Variants in PLA2G4A observed in about 807,000 individuals in gnomAD.
PLA2G4A encodes phospholipase A2 group IVA.
A neutral mutation model predicts 81.9 loss-of-function variants in PLA2G4A; 40 were observed. That is an observed-to-expected ratio of 0.49 (90% CI 0.38 to 0.64). PLA2G4A has a LOEUF of 0.64. Among genes scored for constraint, PLA2G4A ranks in the 30% least tolerant of loss-of-function variants. The probability of loss-of-function intolerance (pLI) is 0.00; values close to 1 mark genes in which losing one functional copy is unlikely to be tolerated. For synonymous variants in PLA2G4A, 302 were observed against 296.9 expected (o/e 1.02, Z -0.18); for missense variants, 715 against 905.1 (o/e 0.79, Z 2.69).
At chr1:186,948,866 A>C (rs1237790527) in intron 12 of PLA2G4A, among the ~76,000 whole-genome samples, 1 of 152,190 alleles carries the variant, frequency 6.6e-6, no homozygotes, top group Admixed American at 6.5e-5. Flanking sequence ...AGATTAAGTA[A>C]GGATTTCCAG....
At chr1:186,884,980 G>T in intron 3 of PLA2G4A, among the ~76,000 whole-genome samples, 1 of 152,096 alleles carries the variant, frequency 6.6e-6, no homozygotes, top group East Asian at 1.9e-4. Flanking sequence ...TAGGTAGGTT[G>T]GAGGGGAGTG....
Position 186,847,676 on chromosome 1 carries a change from G to A in PLA2G4A, c.-69-6610G>A, listed in dbSNP as rs558402020. 1.8e-4 allele frequency among the ~76,000 whole-genome samples: 27 copies of A among 152,214 alleles called. No individual in the cohort carries two copies. In the South Asian group the frequency reaches 3.9e-3, roughly 22 times the overall value. On this transcript the variant is annotated intron_variant, in intron 1 of 17. Coordinates refer to ENST00000367466, the MANE Select transcript of PLA2G4A (RefSeq NM_024420.3). The stretch of plus-strand genomic sequence containing the variant: ...TCACAGTTATAAAAGCATTGAAATA[G>A]TAGAGATGTGGGAAGAGCTTCAGAA...
At chr1:186,945,854 A>G (rs925345204) in intron 10 of PLA2G4A, among the ~76,000 whole-genome samples, 2 of 152,178 alleles carry the variant, frequency 1.3e-5, no homozygotes, top group Admixed American at 6.6e-5. Context: ...GCTACTATTT[A>G]TTGAGCAATT....
In PLA2G4A at chr1:186,893,918, C is replaced by CAAAA. The variant is rs35114616; in HGVS notation, c.265-166_265-163dup. On this transcript the variant is annotated intron_variant, in intron 4 of 17. Transcript: ENST00000367466. ...CAGCCTGGTGAGTGAGACCCTGTCT[C>CAAAA]AAAAAAAAAAAAAAAAAGGAAAAGA... Among the ~76,000 whole-genome samples, 495 of 118,250 alleles carry CAAAA rather than the reference C, an allele frequency of 4.2e-3. 2 individuals are homozygous for CAAAA. Among genetic ancestry groups the CAAAA allele is most frequent in the African/African-American group, 0.017 (472 of 28,374 alleles). 77.6% of individuals were successfully genotyped at this position (118,250 alleles called of 152,430 possible).
chr1:186,874,605 ACT>A (rs1281484117), intron 3 of PLA2G4A, among the ~76,000 whole-genome samples: 4 of 151,986 alleles, frequency 2.6e-5, no homozygotes, highest in Middle Eastern at 3.4e-3. Flanking sequence ...AGACACATAA[ACT>A]CTTTTTCTTT....
chr1:186,882,956 G>A (rs1466431358), intron 3 of PLA2G4A, among the ~76,000 whole-genome samples: 1 of 151,858 alleles, frequency 6.6e-6, no homozygotes, highest in South Asian at 2.1e-4. Flanking sequence ...AAATAAAATA[G>A]GAAAGAAAGT....
intron 13 of PLA2G4A, 69 bp from the exon 14 acceptor site, chr1:186,956,033 C>G: frequency 7.0e-7 from 1 of 1,430,282 alleles, no homozygotes; most frequent in Non-Finnish European, 9.8e-7. Flanking sequence ...AGCCACCGTG[C>G]CCAGCCCAAA....
chr1:186,840,087 C>A (rs1194794112), intron 1 of PLA2G4A, among the ~76,000 whole-genome samples: 1 of 149,482 alleles, frequency 6.7e-6, no homozygotes, highest in Non-Finnish European at 1.5e-5. Flanking sequence ...GCAATTCTGC[C>A]TCTCCTGTAA....
At chr1:186,903,706 C>T (rs1654629949) in intron 5 of PLA2G4A, among the ~76,000 whole-genome samples, 3 of 152,188 alleles carry the variant, frequency 2.0e-5, no homozygotes, top group African/African-American at 7.2e-5. Flanking sequence ...TTCACCCCCA[C>T]ATGGAAGGCT....
chr1:186,980,716 A>G (rs562443416), intron 17 of PLA2G4A, among the ~76,000 whole-genome samples: 4 of 152,232 alleles, frequency 2.6e-5, no homozygotes, highest in African/African-American at 9.6e-5. Flanking sequence ...GACTAGTAAT[A>G]TCAACTGTAT....
chr1:186,978,870 C>T (rs1037683207), intron 16 of PLA2G4A, among the ~76,000 whole-genome samples: 4 of 152,130 alleles, frequency 2.6e-5, no homozygotes, highest in African/African-American at 7.2e-5. Context: ...ATTAGCAAGC[C>T]GGCTACCACA....
intron 17 of PLA2G4A, among the ~76,000 whole-genome samples, chr1:186,982,997 T>C (rs1657774867): frequency 6.7e-6 from 1 of 149,030 alleles, no homozygotes; most frequent in Non-Finnish European, 1.5e-5. Context: ...GGCAGGAGAA[T>C]GGTGTGAACC....
intron 2 of PLA2G4A, among the ~76,000 whole-genome samples, chr1:186,862,663 A>G (rs1652857585): frequency 6.6e-6 from 1 of 152,226 alleles, no homozygotes; most frequent in Non-Finnish European, 1.5e-5. Context: ...TAAGGTTCAC[A>G]TTTGAAAACC....
rs747223471 is a variant in PLA2G4A at position 186,854,316 on chromosome 1, C to G, written c.-39C>G. ...AAAGACGCTAGAGTGCCAAAGAAGA[C>G]TTTGAAGTGTGAAAACATTTCCTGT... is the stretch of plus-strand genomic sequence containing the variant. On this transcript the variant is annotated 5_prime_UTR_variant, in exon 2 of 18. Coordinates refer to ENST00000367466, the MANE Select transcript of PLA2G4A (RefSeq NM_024420.3). 2 of 1,327,040 alleles carry G rather than the reference C, an allele frequency of 1.5e-6. No homozygotes were observed. The highest frequency in any genetic ancestry group is 2.2e-6 in the Non-Finnish European group (2 of 919,456). 82.2% of individuals were successfully genotyped at this position (1,327,040 alleles called of 1,614,324 possible). A position where few individuals can be genotyped will look rare whatever the true frequency, so the allele number is the denominator to read the frequency against.
In PLA2G4A at chr1:186,913,376, C is replaced by T. The variant is rs1655031590; in HGVS notation, c.558+1987C>T. Among the ~76,000 whole-genome samples the T allele has an allele frequency of 2.0e-5, 3 of 151,862 alleles. No individual in the cohort carries two copies. In the South Asian group the frequency reaches 6.2e-4, roughly 32 times the overall value. ...ACTCAATCATATATCTTAAAATCTA[C>T]TTTTTGGCTATCTATCCATTCATTT... On this transcript the variant is annotated intron_variant, in intron 7 of 17. Transcript: ENST00000367466.
At chr1:186,933,001 A>T (rs1655810210) in intron 8 of PLA2G4A, 102 bp downstream of exon 8, 2 of 871,294 alleles carry the variant, frequency 2.3e-6, no homozygotes, top group African/African-American at 3.4e-5. Flanking sequence ...ATTGATCATT[A>T]ATTTAAATTA....
rs562129813 is a variant in PLA2G4A at position 186,835,603 on chromosome 1, A to G, written c.-70+6568A>G. ...CAAACAGGTTATCAACTTTCTTTTCATTCAACTGCCATGAAGAAGAGGTGG... is the reference window on the plus strand; with the variant it reads ...CAAACAGGTTATCAACTTTCTTTTCGTTCAACTGCCATGAAGAAGAGGTGG... On this transcript the variant is annotated intron_variant, in intron 1 of 17. Transcript: ENST00000367466. Among the ~76,000 whole-genome samples the G allele has an allele frequency of 1.2e-4, 18 of 152,274 alleles. No individual in the cohort carries two copies. In the East Asian group the frequency reaches 3.5e-3, roughly 29 times the overall value.
chr1:186,977,547 A>G (rs754934607), intron 15 of PLA2G4A, 46 bp from the exon 16 acceptor site: 2 of 1,344,792 alleles, frequency 1.5e-6, no homozygotes, highest in East Asian at 2.3e-5. Flanking sequence ...AACTGAATCA[A>G]TGAAAACTGA....
In PLA2G4A at chr1:186,894,284, A is replaced by G; in HGVS notation, c.378+73A>G. ...CTATTGATTCTGGGAAGTTGGGTTT[A>G]ACACTTGGAAAATTGTATTTATTTG... is the stretch of plus-strand genomic sequence containing the variant. On this transcript the variant is annotated intron_variant, in intron 5 of 17. Transcript: ENST00000367466. 4.0e-6 allele frequency: 3 copies of G among 750,576 alleles called. No individual in the cohort carries two copies. The Admixed American group carries it at 5.4e-5, about 14-fold the overall frequency. The allele number at this position is 750,576 out of a possible 1,614,324, so 46.5% of individuals were successfully genotyped here. A position where few individuals can be genotyped will look rare whatever the true frequency, so the allele number is the denominator to read the frequency against.
Sources: allele counts gnomAD v4.1 joint callset (sites outside exome capture counted in the v4.1 genomes callset), GRCh38; gene constraint gnomAD v4.1.1; transcripts MANE v1.5; gene names NCBI Gene and HGNC (gene_info 2026-07-23, HGNC 2026-07-21).